JAZF1: variants seen among roughly 807,000 people sequenced by gnomAD.
JAZF1 encodes JAZF zinc finger 1.
Under a neutral mutation model 26.4 loss-of-function variants are expected in JAZF1, and 8 were observed. The observed-to-expected ratio is 0.30, with a 90% CI of 0.18 to 0.55. The LOEUF is 0.55. JAZF1 is among the 20% of genes least tolerant of loss of function. The pLI is 0.94. For synonymous variants in JAZF1, 126 were observed against 122.3 expected, an observed-to-expected ratio of 1.03 and a Z score of -0.20; for missense variants, 199 against 322.0, an observed-to-expected ratio of 0.62 and a Z score of 2.92.
intron 3 of JAZF1, among the ~76,000 whole-genome samples, chr7:27,846,921 T>C (rs1783041056): frequency 6.6e-6 from 1 of 152,212 alleles, no homozygotes; most frequent in Non-Finnish European, 1.5e-5. Context: ...CATCTTATTG[T>C]TTCCTTTGCT....
intron 1 of JAZF1, among the ~76,000 whole-genome samples, chr7:28,157,558 A>T (rs1783207635): frequency 6.6e-6 from 1 of 152,226 alleles, no homozygotes; most frequent in African/African-American, 2.4e-5. Context: ...GTACAAAAAC[A>T]GGAGACAGGC....
intron 3 of JAZF1, among the ~76,000 whole-genome samples, chr7:27,855,486 AG>A (rs1783231889): frequency 6.6e-6 from 1 of 152,192 alleles, no homozygotes; most frequent in African/African-American, 2.4e-5. Context: ...TAATAAGAAA[AG>A]AGAGAAGAAT....
At chr7:28,053,321 T>C (rs995340408) in intron 1 of JAZF1, among the ~76,000 whole-genome samples, 4 of 152,210 alleles carry the variant, frequency 2.6e-5, no homozygotes, top group Admixed American at 2.6e-4. Context: ...CTTTGAATTA[T>C]TTTGGATATA....
In JAZF1 at chr7:27,937,458, T is replaced by C. The variant is rs535276032; in HGVS notation, c.189-42042A>G. On this transcript the variant is annotated intron_variant, in intron 2 of 4. Coordinates refer to ENST00000283928, the MANE Select transcript of JAZF1 (RefSeq NM_175061.4). ...ATAGAGGCGGTTGCCATTAGTATTG[T>C]TGAACTTTTGCCTTTAGGATGTTCC... Among the ~76,000 whole-genome samples, 16 of 152,356 alleles carry C rather than the reference T, an allele frequency of 1.1e-4. No individual in the cohort carries two copies. In the South Asian group the frequency reaches 2.1e-3, roughly 20 times the overall value.
intron 3 of JAZF1, chr7:27,841,676 C>G (rs1782923290): frequency 6.6e-6 from 1 of 152,160 alleles, no homozygotes; most frequent in South Asian, 2.1e-4. Flanking sequence ...TGCTGAGAAT[C>G]GAATTGAAAT....
intron 1 of JAZF1, among the ~76,000 whole-genome samples, chr7:28,054,890 T>C (rs1016021048): frequency 2.0e-5 from 3 of 151,788 alleles, no homozygotes; most frequent in African/African-American, 7.3e-5. Flanking sequence ...ACCCACACCA[T>C]CCCTCCCTAA....
At chr7:27,910,414 C>T (rs1296389278) in intron 2 of JAZF1, among the ~76,000 whole-genome samples, 1 of 152,174 alleles carries the variant, frequency 6.6e-6, no homozygotes, top group East Asian at 1.9e-4. Flanking sequence ...TACTTAACTG[C>T]TAATGAAGTA....
intron 3 of JAZF1, among the ~76,000 whole-genome samples, chr7:27,878,966 G>A (rs374931278): frequency 2.6e-5 from 4 of 152,046 alleles, no homozygotes; most frequent in Admixed American, 6.6e-5. Flanking sequence ...ATATTCTGAG[G>A]ACATTTGTAC....
intron 1 of JAZF1, among the ~76,000 whole-genome samples, chr7:28,148,322 C>T (rs1783058009): frequency 2.0e-5 from 3 of 152,174 alleles, no homozygotes; most frequent in Admixed American, 1.3e-4. Flanking sequence ...CCATCCACCT[C>T]GGCCTCCCAA....
chr7:28,143,399 T>C (rs1782984540), intron 1 of JAZF1, among the ~76,000 whole-genome samples: 4 of 152,216 alleles, frequency 2.6e-5, no homozygotes, highest in Admixed American at 2.6e-4. Flanking sequence ...CCTCAAGTAC[T>C]GCTTCCAACC....
chr7:27,967,638 C>T (rs964728042), intron 2 of JAZF1, among the ~76,000 whole-genome samples: 2 of 152,164 alleles, frequency 1.3e-5, no homozygotes, highest in Non-Finnish European at 2.9e-5. Flanking sequence ...TGGATAAACA[C>T]TTGAAGGGAA....
chr7:27,913,491 C>G (rs766635622), intron 2 of JAZF1: 2 of 362,916 alleles, frequency 5.5e-6, no homozygotes, highest in Non-Finnish European at 5.6e-6. Context: ...AGAGACCCCA[C>G]GTGAACAGAG....
intron 1 of JAZF1, among the ~76,000 whole-genome samples, chr7:28,168,909 T>G (rs1031510685): frequency 6.6e-6 from 1 of 152,218 alleles, no homozygotes; most frequent in Non-Finnish European, 1.5e-5. Flanking sequence ...TCTGAAGGGC[T>G]AAGAACACAT....
intron 2 of JAZF1, among the ~76,000 whole-genome samples, chr7:27,986,309 T>C (rs577239975): frequency 1.3e-4 from 20 of 152,320 alleles, no homozygotes; most frequent in Admixed American, 1.3e-3. Flanking sequence ...AGCATTCCTA[T>C]ACACCAATAA....
chr7:28,116,920 T>G (rs962966225), intron 1 of JAZF1, among the ~76,000 whole-genome samples: 1 of 151,798 alleles, frequency 6.6e-6, no homozygotes, highest in Non-Finnish European at 1.5e-5. Flanking sequence ...GCCTCCCAGG[T>G]TCAAGCGATT....
At chr7:27,992,921 C>T (rs1785932693) in intron 1 of JAZF1, among the ~76,000 whole-genome samples, 1 of 152,132 alleles carries the variant, frequency 6.6e-6, no homozygotes, top group Non-Finnish European at 1.5e-5. Context: ...AGCACCTTTG[C>T]ACAGGAAGTG....
chr7:28,051,178 T>G (rs981831009), intron 1 of JAZF1, among the ~76,000 whole-genome samples: 17 of 129,570 alleles, frequency 1.3e-4, no homozygotes, highest in Admixed American at 5.1e-4. Context: ...ACTATAACTG[T>G]TTTTTTTTAA....
chr7:28,095,373 A>G (rs1416793160), intron 1 of JAZF1, among the ~76,000 whole-genome samples: 1 of 152,146 alleles, frequency 6.6e-6, no homozygotes, highest in African/African-American at 2.4e-5. Context: ...GTGAAGGGGA[A>G]GCAAAACATG....
intron 2 of JAZF1, among the ~76,000 whole-genome samples, chr7:27,922,380 A>G (rs1562529945): frequency 6.6e-6 from 1 of 151,904 alleles, no homozygotes; most frequent in Non-Finnish European, 1.5e-5. Flanking sequence ...GAGTAGCTGG[A>G]CTGGACTACA....
Sources: gnomAD v4.1 joint callset for allele counts (sites outside exome capture counted in the v4.1 genomes callset) on GRCh38, gnomAD v4.1.1 for gene constraint, MANE v1.5 for transcripts, NCBI Gene and HGNC (gene_info 2026-07-23, HGNC 2026-07-21) for gene names.